Variants in COQ7 observed in about 807,000 individuals in gnomAD.
The protein encoded by COQ7 is NADPH-dependent 3-demethoxyubiquinone 3-hydroxylase, mitochondrial.
In COQ7, 21 loss-of-function variants were observed where a neutral mutation model predicts 25.0. The observed-to-expected ratio is 0.84, with a 90% CI of 0.60 to 1.21. The LOEUF (loss-of-function observed/expected upper bound fraction) is 1.21, where lower values mean the gene tolerates loss of function less well. Ranked by LOEUF, COQ7 falls within the 50% of genes most tolerant of loss-of-function variation. The pLI, the probability that COQ7 is intolerant of heterozygous loss-of-function variation, is 0.00. For missense variants in COQ7, 311 were observed against 296.2 expected, an observed-to-expected ratio of 1.05 and a Z score of -0.37; for synonymous variants, 125 against 112.4, an observed-to-expected ratio of 1.11 and a Z score of -0.71.
intron 1 of COQ7, chr16:19,068,792 G>T: frequency 2.3e-6 from 1 of 433,228 alleles, no homozygotes; most frequent in Non-Finnish European, 4.6e-6. Flanking sequence ...TTTTTGTATA[G>T]CTATGTCCCA....
rs927871384 is a variant in COQ7, at chr16:19,078,705, A to G, written c.*547A>G. 6.6e-6 allele frequency: 1 copy of G among 152,024 alleles called. No individual in the cohort carries two copies. Among genetic ancestry groups the G allele is most frequent in the Admixed American group, 6.6e-5 (1 of 15,226 alleles). The allele number at this position is 152,024 out of a possible 1,614,324, so 9.4% of individuals were successfully genotyped here. On this transcript the variant is annotated 3_prime_UTR_variant, in exon 6 of 6. Coordinates refer to ENST00000321998, the MANE Select transcript of COQ7 (RefSeq NM_016138.5). Reference sequence around the variant, plus strand: ...TGGGCTCAGTGATCCTCCCGTTTCGACTTCCCAAAGTGCTGGGATTACAGG... The same window carrying G: ...TGGGCTCAGTGATCCTCCCGTTTCGGCTTCCCAAAGTGCTGGGATTACAGG...
chr16:19,079,486 A>C lies in COQ7; in HGVS notation c.*1328A>C, dbSNP rs912380010. 3 of 152,032 alleles carry C rather than the reference A, an allele frequency of 2.0e-5. No homozygotes were observed. The highest frequency in any genetic ancestry group is 4.8e-5 in the African/African-American group (2 of 41,398). The allele number at this position is 152,032 out of a possible 1,614,324, so 9.4% of individuals were successfully genotyped here. ...TTTGCAAATTTTTAAGTAATTTATG[A>C]AAAACCTAGATCAGTGGATCTCCTC... On this transcript the variant is annotated 3_prime_UTR_variant, in exon 6 of 6. Coordinates refer to ENST00000321998, the MANE Select transcript of COQ7 (RefSeq NM_016138.5).
chr16:19,083,057 T>C (rs1175015009), downstream of COQ7, among the ~76,000 whole-genome samples: 2 of 152,152 alleles, frequency 1.3e-5, no homozygotes, highest in Non-Finnish European at 2.9e-5. Context: ...TATACTTAAA[T>C]TTACTGGATC....
intron 3 of COQ7, among the ~76,000 whole-genome samples, chr16:19,075,447 C>CCTT (rs1962784447): frequency 9.4e-6 from 1 of 105,988 alleles, no homozygotes; most frequent in Non-Finnish European, 2.1e-5. Context: ...TGATCCGCCT[C>CCTT]GGCCTCCCAA....
chr16:19,078,416 T>C lies in COQ7; in HGVS notation c.*258T>C. On this transcript the variant is annotated 3_prime_UTR_variant, in exon 6 of 6. Coordinates refer to ENST00000321998, the MANE Select transcript of COQ7 (RefSeq NM_016138.5). ...GCTGGGCCTTGTTTGGTCTCATACT[T>C]AATTTTCTTTTATATACATGTTTTT... is the stretch of plus-strand genomic sequence containing the variant. 3.7e-6 allele frequency: 1 copy of C among 267,076 alleles called. No individual in the cohort carries two copies. Among genetic ancestry groups the C allele is most frequent in the East Asian group, 6.5e-5 (1 of 15,410 alleles). The allele number at this position is 267,076 out of a possible 1,614,324, so 16.5% of individuals were successfully genotyped here.
At chr16:19,067,893 G>T in intron 1 of COQ7, 156 bp downstream of exon 1, 1 of 1,493,438 alleles carries the variant, frequency 6.7e-7, no homozygotes, top group Non-Finnish European at 8.8e-7. Context: ...CGGGGCGCTG[G>T]CGGGCGGGGC....
chr16:19,068,936 A>G (rs1204439408), intron 1 of COQ7: 1 of 433,630 alleles, frequency 2.3e-6, no homozygotes, highest in African/African-American at 2.0e-5. Context: ...TGTATTAAAT[A>G]CTGTCTTTCT....
chr16:19,078,805 T>C lies in COQ7; in HGVS notation c.*647T>C, dbSNP rs181750614. The C allele has an allele frequency of 3.3e-5, 5 of 152,204 alleles. No individual in the cohort carries two copies. The highest frequency in any genetic ancestry group is 1.3e-4 in the Admixed American group (2 of 15,282). The allele number at this position is 152,204 out of a possible 1,614,324, so 9.4% of individuals were successfully genotyped here. A position where few individuals can be genotyped will look rare whatever the true frequency, so the allele number is the denominator to read the frequency against. ...TCATTAATAATGTAACAGGAATCTT[T>C]AGGAGAAAAAACAATTTGGTTTACT... On this transcript the variant is annotated 3_prime_UTR_variant, in exon 6 of 6. Transcript: ENST00000321998.
In COQ7 at chr16:19,075,786, A is replaced by G. The variant is rs1470208185; in HGVS notation, c.433A>G (p.Ile145Val). 1 of 1,613,516 alleles carries G rather than the reference A, an allele frequency of 6.2e-7. No homozygotes were observed. The highest frequency in any genetic ancestry group is 1.1e-5 in the South Asian group (1 of 91,022). The change falls in exon 4 of 6, where the codon ATA (isoleucine) becomes GTA (valine). Residue 145 changes from isoleucine (I) to valine (V), a missense_variant. Transcript: ENST00000321998. ...MACTVAVEES[I>V]AHHYNNQIRT... is the part of the protein sequence containing the mutation. The stretch of plus-strand genomic sequence containing the variant: ...CTGCACCGTGGCGGTGGAAGAGAGC[A>G]TAGCACATCACTACAACAACCAGAT...
chr16:19,071,895 G>C, intron 1 of COQ7, 33 bp from the exon 2 acceptor site: 3 of 1,612,600 alleles, frequency 1.9e-6, no homozygotes, highest in Non-Finnish European at 2.5e-6. Flanking sequence ...GATTTTACCT[G>C]ATCATAACGA....
rs1962697674 is a variant in COQ7, at chr16:19,073,964, A to T, written c.296A>T (p.Glu99Val). The change falls in exon 3 of 6, where the codon GAG (glutamate) becomes GTG (valine). Residue 99 changes from glutamate (E) to valine (V), a missense_variant. Glu to Val is a moderately radical substitution (Grantham distance 121, BLOSUM62 -2). Transcript: ENST00000321998. ...AAGGACCATTTGAAAAAGTTCAATG[A>T]GTTGATGGTTACGTTCAGGGTCCGG... ...QEKDHLKKFN[E>V]LMVTFRVRPT... 6.2e-7 allele frequency: 1 copy of T among 1,613,680 alleles called. No individual in the cohort carries two copies. The highest frequency in any genetic ancestry group is 1.3e-5 in the African/African-American group (1 of 74,824).
At chr16:19,072,249 ATGGGGAGC>A in intron 2 of COQ7, 143 bp downstream of exon 2, 1 of 917,190 alleles carries the variant, frequency 1.1e-6, no homozygotes, top group African/African-American at 1.7e-5. Flanking sequence ...CTTGGTGGAG[ATGGGGAGC>A]AAAAAGCATA....
At chr16:19,075,992 T>A in intron 4 of COQ7, 132 bp downstream of exon 4, 1 of 1,199,522 alleles carries the variant, frequency 8.3e-7, no homozygotes, top group Non-Finnish European at 1.2e-6. Flanking sequence ...TGCCTCAGTT[T>A]AAAGGTGAGC....
chr16:19,081,916 T>C (rs965078909), downstream of COQ7, among the ~76,000 whole-genome samples: 1 of 152,154 alleles, frequency 6.6e-6, no homozygotes, highest in Admixed American at 6.6e-5. Context: ...ATGGTTAATA[T>C]AGAAATCTGG....
At chr16:19,082,151 T>C (rs996811456), downstream of COQ7, among the ~76,000 whole-genome samples, 2 of 151,942 alleles carry the variant, frequency 1.3e-5, no homozygotes. Context: ...AACAAGGCAA[T>C]CTTACTCAGC....
chr16:19,082,260 G>A (rs1963111631), downstream of COQ7, among the ~76,000 whole-genome samples: 1 of 152,178 alleles, frequency 6.6e-6, no homozygotes, highest in African/African-American at 2.4e-5. Context: ...GATGAAAATA[G>A]TTCTGGAAAT....
intron 3 of COQ7, among the ~76,000 whole-genome samples, chr16:19,075,492 A>G (rs1962786658): frequency 6.6e-6 from 1 of 152,102 alleles, no homozygotes; most frequent in Admixed American, 6.6e-5. Context: ...CATTGTGCCC[A>G]GCCCTCGGGA....
chr16:19,080,654 T>A (rs186047866), downstream of COQ7, among the ~76,000 whole-genome samples: 157 of 152,192 alleles, frequency 1.0e-3, no homozygotes, highest in Middle Eastern at 3.4e-3. Flanking sequence ...TCAGGTTACA[T>A]TTTAGTGAAT....
chr16:19,067,637 G>A lies in COQ7; in HGVS notation c.-28G>A, dbSNP rs373677133. On this transcript the variant is annotated 5_prime_UTR_variant, in exon 1 of 6. Transcript: ENST00000321998. ...GCACTATTGGCCAGTTCCGTTCAAC[G>A]AAGTGGTTGCTTTTTTTAGTTCCGG... 1.9e-6 allele frequency: 3 copies of A among 1,613,538 alleles called. No homozygotes were observed. Among genetic ancestry groups the A allele is most frequent in the African/African-American group, 1.3e-5 (1 of 75,026 alleles).
Sources: allele counts gnomAD v4.1 joint callset (sites outside exome capture counted in the v4.1 genomes callset), GRCh38; gene constraint gnomAD v4.1.1; transcripts MANE v1.5; gene names NCBI Gene and HGNC (gene_info 2026-07-23, HGNC 2026-07-21).